Variants in SYT1 observed in about 807,000 individuals in gnomAD.
SYT1 encodes the protein synaptotagmin-1.
SYT1 carries 8 observed loss-of-function variants against 44.8 expected under a neutral mutation model. The observed-to-expected ratio is 0.18, with a 90% confidence interval of 0.10 to 0.32. The LOEUF (loss-of-function observed/expected upper bound fraction) is 0.32, where lower values mean the gene tolerates loss of function less well. SYT1 is among the 10% of genes least tolerant of loss of function. SYT1 has a pLI of 1.00. For synonymous variants in SYT1, 154 were observed against 188.8 expected (o/e 0.82, Z 1.51); for missense variants, 286 against 509.3 (o/e 0.56, Z 4.22).
chr12:79,341,870 G>A (rs968598946), intron 8 of SYT1, among the ~76,000 whole-genome samples: 10 of 151,744 alleles, frequency 6.6e-5, no homozygotes, highest in East Asian at 2.0e-4. Flanking sequence ...GAGTTTCACC[G>A]TGTTAGCCAG....
chr12:79,330,275 G>A (rs1881796507), intron 8 of SYT1, among the ~76,000 whole-genome samples: 1 of 152,200 alleles, frequency 6.6e-6, no homozygotes, highest in African/African-American at 2.4e-5. Context: ...TTGCTTAACA[G>A]ATGATGCATA....
chr12:79,143,040 G>A (rs1259534244), intron 3 of SYT1, among the ~76,000 whole-genome samples: 1 of 152,108 alleles, frequency 6.6e-6, no homozygotes, highest in African/African-American at 2.4e-5. Context: ...AACCTTGTGG[G>A]TCTATGATTC....
At chr12:79,242,090 G>A (rs985947774) in intron 4 of SYT1, among the ~76,000 whole-genome samples, 5 of 152,172 alleles carry the variant, frequency 3.3e-5, no homozygotes, top group Admixed American at 2.0e-4. Flanking sequence ...CAGACTTGAA[G>A]CCCCTAAAAC....
intron 1 of SYT1, among the ~76,000 whole-genome samples, chr12:78,942,449 A>G (rs1336263594): frequency 1.3e-5 from 2 of 152,030 alleles, no homozygotes; most frequent in Non-Finnish European, 2.9e-5. Context: ...CATCTTTCCA[A>G]TTCTCTTCCT....
intron 3 of SYT1, among the ~76,000 whole-genome samples, chr12:79,198,849 T>C (rs996655466): frequency 3.3e-5 from 5 of 152,202 alleles, no homozygotes; most frequent in African/African-American, 1.2e-4. Flanking sequence ...AGGACTTCAG[T>C]CATTTTCTTT....
At chr12:79,421,355 T>C (rs1869102695) in intron 9 of SYT1, among the ~76,000 whole-genome samples, 1 of 152,156 alleles carries the variant, frequency 6.6e-6, no homozygotes, top group Non-Finnish European at 1.5e-5. Context: ...TATGCTGGTG[T>C]GTTTTATAAA....
At chr12:79,375,661 C>G (rs1883964254) in intron 9 of SYT1, among the ~76,000 whole-genome samples, 1 of 152,182 alleles carries the variant, frequency 6.6e-6, no homozygotes, top group Non-Finnish European at 1.5e-5. Flanking sequence ...CCCTACCTTG[C>G]TCTTTGTTAT....
At chr12:79,122,370 C>T (rs1225201122) in intron 3 of SYT1, among the ~76,000 whole-genome samples, 2 of 149,920 alleles carry the variant, frequency 1.3e-5, no homozygotes, top group Non-Finnish European at 3.0e-5. Context: ...AAAAATTAGC[C>T]GGGCGTGGTA....
chr12:78,965,935 G>C (rs1879745864), intron 1 of SYT1, among the ~76,000 whole-genome samples: 1 of 151,782 alleles, frequency 6.6e-6, no homozygotes, highest in Non-Finnish European at 1.5e-5. Flanking sequence ...AAATTAGCCG[G>C]GCACGGTGGC....
At chr12:78,985,926 C>T (rs1001253873) in intron 2 of SYT1, among the ~76,000 whole-genome samples, 8 of 151,762 alleles carry the variant, frequency 5.3e-5, no homozygotes, top group Non-Finnish European at 4.4e-5. Flanking sequence ...CATTTTCTTT[C>T]GAAAAGCACT....
intron 8 of SYT1, among the ~76,000 whole-genome samples, chr12:79,301,354 A>G (rs1206587752): frequency 1.3e-5 from 2 of 152,148 alleles, no homozygotes; most frequent in Non-Finnish European, 2.9e-5. Context: ...TTCTGAGCTA[A>G]GGGAATGTGG....
Position 79,149,915 on chromosome 12 carries a change from C to T in SYT1, c.-17-67588C>T, listed in dbSNP as rs537089316. On this transcript the variant is annotated intron_variant, in intron 3 of 10. Coordinates refer to ENST00000261205, the MANE Select transcript of SYT1 (RefSeq NM_005639.3). ...ATCATTTCTGACACATAGTAGCTGACTTATACATACTCACTGAAGAAATAA... is the reference window on the plus strand; with the variant it reads ...ATCATTTCTGACACATAGTAGCTGATTTATACATACTCACTGAAGAAATAA... Among the ~76,000 whole-genome samples, 10 of 152,240 alleles carry T rather than the reference C, an allele frequency of 6.6e-5. No individual in the cohort carries two copies. In the East Asian group the frequency reaches 1.9e-3, roughly 29 times the overall value.
At chr12:79,012,279 T>C (rs1871464457) in intron 2 of SYT1, among the ~76,000 whole-genome samples, 1 of 151,772 alleles carries the variant, frequency 6.6e-6, no homozygotes, top group Admixed American at 6.6e-5. Context: ...GGTTGAGGAG[T>C]AGACAGACCA....
chr12:79,274,515 A>G (rs1292981629), intron 4 of SYT1, among the ~76,000 whole-genome samples: 1 of 152,146 alleles, frequency 6.6e-6, no homozygotes, highest in African/African-American at 2.4e-5. Context: ...AGTGGCCAGG[A>G]AACTTCCTTT....
intron 1 of SYT1, among the ~76,000 whole-genome samples, chr12:78,897,989 C>T (rs1009144185): frequency 1.3e-5 from 2 of 151,970 alleles, no homozygotes; most frequent in Admixed American, 1.3e-4. Flanking sequence ...TGAAACATCT[C>T]AGATGAAAAA....
intron 9 of SYT1, among the ~76,000 whole-genome samples, chr12:79,385,982 A>G (rs2136082512): frequency 6.6e-6 from 1 of 152,320 alleles, no homozygotes; most frequent in Middle Eastern, 3.4e-3. Flanking sequence ...AGGCTGGCCC[A>G]CAGAAGGTGG....
intron 3 of SYT1, among the ~76,000 whole-genome samples, chr12:79,201,080 T>A (rs1440217850): frequency 6.6e-6 from 1 of 152,114 alleles, no homozygotes; most frequent in Non-Finnish European, 1.5e-5. Context: ...ACTTCCTTCA[T>A]TGTTGATGCC....
chr12:79,332,673 T>G (rs907967113), intron 8 of SYT1, among the ~76,000 whole-genome samples: 2 of 152,172 alleles, frequency 1.3e-5, no homozygotes, highest in African/African-American at 4.8e-5. Flanking sequence ...TTGTGGGAGG[T>G]ATTCCCTTGT....
At chr12:78,974,639 T>C (rs1294379017) in intron 1 of SYT1, among the ~76,000 whole-genome samples, 1 of 151,980 alleles carries the variant, frequency 6.6e-6, no homozygotes, top group Non-Finnish European at 1.5e-5. Context: ...GGTTTCACCA[T>C]GTTAGCCAGG....
Sources: allele counts gnomAD v4.1 joint callset (sites outside exome capture counted in the v4.1 genomes callset), GRCh38; gene constraint gnomAD v4.1.1; transcripts MANE v1.5; gene names NCBI Gene and HGNC (gene_info 2026-07-23, HGNC 2026-07-21).